DPYSL5: variants seen among roughly 807,000 people sequenced by gnomAD.
The protein encoded by DPYSL5 is dihydropyrimidinase-related protein 5.
Under a neutral mutation model 58.4 loss-of-function variants are expected in DPYSL5, and 9 were observed. That is an observed-to-expected ratio of 0.15 (90% CI 0.09 to 0.27). The LOEUF (loss-of-function observed/expected upper bound fraction) is 0.27, where lower values mean the gene tolerates loss of function less well. Ranked by LOEUF, DPYSL5 falls within the 10% of genes least tolerant of loss-of-function variation. The probability of loss-of-function intolerance (pLI) is 1.00; values close to 1 mark genes in which losing one functional copy is unlikely to be tolerated. For synonymous variants in DPYSL5, 293 were observed against 301.9 expected, an observed-to-expected ratio of 0.97 and a Z score of 0.31; for missense variants, 499 against 770.6, an observed-to-expected ratio of 0.65 and a Z score of 4.17.
intron 1 of DPYSL5, among the ~76,000 whole-genome samples, chr2:26,855,242 A>G (rs1307157888): frequency 6.7e-6 from 1 of 149,576 alleles, no homozygotes; most frequent in Non-Finnish European, 1.5e-5. Context: ...AGCCTGGTCA[A>G]TATGGTGAAA....
At chr2:26,872,503 A>G (rs1663291611) in intron 1 of DPYSL5, among the ~76,000 whole-genome samples, 1 of 152,184 alleles carries the variant, frequency 6.6e-6, no homozygotes, top group South Asian at 2.1e-4. Context: ...CAGCCTGCCC[A>G]ACATGGTGAA....
chr2:26,882,490 C>A (rs1663600584), intron 1 of DPYSL5, among the ~76,000 whole-genome samples: 1 of 151,800 alleles, frequency 6.6e-6, no homozygotes, highest in South Asian at 2.1e-4. Context: ...CTATGTTGCC[C>A]AGGCTGTTCT....
chr2:26,904,732 A>G (rs1408416329), intron 2 of DPYSL5, among the ~76,000 whole-genome samples: 1 of 152,072 alleles, frequency 6.6e-6, no homozygotes, highest in Non-Finnish European at 1.5e-5. Context: ...GCAAAACCCC[A>G]TCTCTACAAA....
chr2:26,858,769 T>G (rs1422592665), intron 1 of DPYSL5, among the ~76,000 whole-genome samples: 4 of 148,792 alleles, frequency 2.7e-5, no homozygotes, highest in African/African-American at 7.5e-5. Flanking sequence ...AGATAGGGTC[T>G]CCCTATGTTG....
intron 2 of DPYSL5, among the ~76,000 whole-genome samples, chr2:26,902,892 T>A (rs1664193371): frequency 6.6e-6 from 1 of 152,012 alleles, no homozygotes; most frequent in South Asian, 2.1e-4. Context: ...CCATGACAGT[T>A]AACAAATGCC....
Position 26,947,124 on chromosome 2 carries a change from G to A in DPYSL5, c.*129G>A, listed in dbSNP as rs948593457. On this transcript the variant is annotated 3_prime_UTR_variant, in exon 13 of 13. Transcript: ENST00000288699. This position sits in a 1 kb window ranked among gnomAD's most constrained non-coding sequence, Gnocchi z 4.2. ...ACCCGAGGGGGGCCCCGGGACCCACGGAGCCCTCCCTATGTCTGCAAAGTG... is the reference window on the plus strand; with the variant it reads ...ACCCGAGGGGGGCCCCGGGACCCACAGAGCCCTCCCTATGTCTGCAAAGTG... 4 of 682,104 alleles carry A rather than the reference G, an allele frequency of 5.9e-6. No individual in the cohort carries two copies. Among genetic ancestry groups the A allele is most frequent in the South Asian group, 1.8e-5 (1 of 55,590 alleles). 42.3% of individuals were successfully genotyped at this position (682,104 alleles called of 1,614,324 possible).
At chr2:26,889,582 ACTT>A (rs763341367) in intron 1 of DPYSL5, among the ~76,000 whole-genome samples, 80 of 151,868 alleles carry the variant, frequency 5.3e-4, no homozygotes, top group Admixed American at 1.8e-3. Context: ...GAGAGCTTAT[ACTT>A]CTTTCTGACC....
chr2:26,848,027 G>A (rs1665638771), upstream of DPYSL5: 1 of 151,992 alleles, frequency 6.6e-6, no homozygotes, highest in East Asian at 1.9e-4. Flanking sequence ...GAGGTGGGGA[G>A]CGGCGGGAGG....
chr2:26,946,938 G>A lies in DPYSL5; in HGVS notation c.1638G>A (p.Lys546=). The change falls in exon 13 of 13, where the codon AAG becomes AAA. Residue 546 remains lysine (K), a synonymous_variant. Coordinates refer to ENST00000288699, the MANE Select transcript of DPYSL5 (RefSeq NM_020134.4). ...CTCAGATCGATGACCATGTTCCAAA[G>A]CGAGCTTCAGCTCGGATCCTCGCTC... The part of the protein sequence containing the change: ...SGSQIDDHVP[K]RASARILAPP... The A allele has an allele frequency of 6.2e-7, 1 of 1,614,144 alleles. No homozygotes were observed. Among genetic ancestry groups the A allele is most frequent in the Non-Finnish European group, 8.5e-7 (1 of 1,179,980 alleles).
At position 26,934,519 on chromosome 2, in the gene DPYSL5, C is replaced by T; in HGVS notation, c.791-59C>T. On this transcript the variant is annotated intron_variant, in intron 7 of 12. Coordinates refer to ENST00000288699, the MANE Select transcript of DPYSL5 (RefSeq NM_020134.4). The surrounding 1 kb of genome is among the most constrained non-coding windows in gnomAD (Gnocchi z 4.3). ...TCACCTGTAAAATGAGAGGCACACA[C>T]CAGCGATCGCTCAGGTTCGGTGGCT... 1 of 1,572,328 alleles carries T rather than the reference C, an allele frequency of 6.4e-7. No individual in the cohort carries two copies. The highest frequency in any genetic ancestry group is 8.6e-7 in the Non-Finnish European group (1 of 1,158,540).
intron 1 of DPYSL5, among the ~76,000 whole-genome samples, chr2:26,876,759 G>A (rs1476636245): frequency 3.9e-5 from 6 of 151,916 alleles, no homozygotes; most frequent in African/African-American, 9.7e-5. Flanking sequence ...CAGGTGATCC[G>A]CCCACCTCGG....
Position 26,933,397 on chromosome 2 carries a change from C to A in DPYSL5, c.790+64C>A. The A allele has an allele frequency of 6.7e-7, 1 of 1,499,102 alleles. No homozygotes were observed. Among genetic ancestry groups the A allele is most frequent in the South Asian group, 1.1e-5 (1 of 88,490 alleles). The allele number at this position is 1,499,102 out of a possible 1,614,324, so 92.9% of individuals were successfully genotyped here. A position where few individuals can be genotyped will look rare whatever the true frequency, so the allele number is the denominator to read the frequency against. On this transcript the variant is annotated intron_variant, in intron 7 of 12. Coordinates refer to ENST00000288699, the MANE Select transcript of DPYSL5 (RefSeq NM_020134.4). The surrounding 1 kb of genome is among the most constrained non-coding windows in gnomAD (Gnocchi z 4.2). Reference sequence around the variant, plus strand: ...GGAGGGACTGGAGATGGATGGGGCCCATTAGCCGTGCTCACTCCTGGCCCC... The same window carrying A: ...GGAGGGACTGGAGATGGATGGGGCCAATTAGCCGTGCTCACTCCTGGCCCC...
intron 1 of DPYSL5, among the ~76,000 whole-genome samples, chr2:26,889,664 A>G (rs1663820205): frequency 6.6e-6 from 1 of 150,592 alleles, no homozygotes; most frequent in South Asian, 2.1e-4. Context: ...GAGTCCCTTT[A>G]TGGTGCTTAA....
intron 2 of DPYSL5, among the ~76,000 whole-genome samples, chr2:26,899,674 G>C (rs1376396238): frequency 6.6e-6 from 1 of 152,180 alleles, no homozygotes; most frequent in Non-Finnish European, 1.5e-5. Context: ...GTCTCCTTGA[G>C]GACAGGCCCC....
chr2:26,925,152 C>A lies in DPYSL5; in HGVS notation c.420+107C>A. 7.2e-7 allele frequency: 1 copy of A among 1,382,990 alleles called. No homozygotes were observed. The highest frequency in any genetic ancestry group is 9.8e-7 in the Non-Finnish European group (1 of 1,015,688). The allele number at this position is 1,382,990 out of a possible 1,614,324, so 85.7% of individuals were successfully genotyped here. A position where few individuals can be genotyped will look rare whatever the true frequency, so the allele number is the denominator to read the frequency against. ...CTTGTGTGGGGCACCCCTCCCACTA[C>A]CATCCTAGCTCCCCACAATGCCAAA... On this transcript the variant is annotated intron_variant, in intron 3 of 12. Coordinates refer to ENST00000288699, the MANE Select transcript of DPYSL5 (RefSeq NM_020134.4). This position sits in a 1 kb window ranked among gnomAD's most constrained non-coding sequence, Gnocchi z 4.5.
At chr2:26,875,868 G>C (rs559379461) in intron 1 of DPYSL5, among the ~76,000 whole-genome samples, 1 of 152,282 alleles carries the variant, frequency 6.6e-6, no homozygotes, top group East Asian at 1.9e-4. Flanking sequence ...ATGAAAAAGA[G>C]GAAATGCTGG....
At chr2:26,928,382 C>G in intron 5 of DPYSL5, 59 bp downstream of exon 5, 1 of 1,571,396 alleles carries the variant, frequency 6.4e-7, no homozygotes, top group African/African-American at 1.4e-5. Flanking sequence ...ACAGAATCTT[C>G]CAGGATGGAG....
At chr2:26,918,166 A>T (rs965908641) in intron 2 of DPYSL5, among the ~76,000 whole-genome samples, 2 of 142,266 alleles carry the variant, frequency 1.4e-5, no homozygotes, top group African/African-American at 5.1e-5. Context: ...AAAAAAAGCA[A>T]GTGCAGAGCC....
chr2:26,853,600 C>T (rs1357247556), intron 1 of DPYSL5, among the ~76,000 whole-genome samples: 2 of 152,106 alleles, frequency 1.3e-5, no homozygotes, highest in Non-Finnish European at 2.9e-5. Context: ...AACAGAAAAT[C>T]AGTTCTCCAG....
Sources: allele counts gnomAD v4.1 joint callset (sites outside exome capture counted in the v4.1 genomes callset), GRCh38; gene constraint gnomAD v4.1.1; non-coding constraint Gnocchi (gnomAD v3.1); transcripts MANE v1.5; gene names NCBI Gene and HGNC (gene_info 2026-07-23, HGNC 2026-07-21).